The following ATP2A2 variants were observed in gnomAD, a reference collection of about 807,000 sequenced individuals.
The protein encoded by ATP2A2 is ATPase sarcoplasmic/endoplasmic reticulum Ca2+ transporting 2.
In ATP2A2, 14 loss-of-function variants were observed where a neutral mutation model predicts 109.3. That is an observed-to-expected ratio of 0.13 (90% CI 0.08 to 0.20). ATP2A2 has a LOEUF of 0.20. Among genes scored for constraint, ATP2A2 ranks in the 10% least tolerant of loss-of-function variants. The probability of loss-of-function intolerance (pLI) is 1.00; values close to 1 mark genes in which losing one functional copy is unlikely to be tolerated. For missense variants in ATP2A2, 657 were observed against 1,321.6 expected (o/e 0.50, Z 7.80); for synonymous variants, 506 against 490.9 (o/e 1.03, Z -0.41).
rs192359794 is a variant in ATP2A2, at chr12:110,331,630, C to T, written c.1096-967C>T. The T allele has an allele frequency of 7.2e-5, 11 of 152,348 alleles. No individual in the cohort carries two copies. The East Asian group carries it at 1.9e-3, about 27-fold the overall frequency. The allele number at this position is 152,348 out of a possible 1,614,324, so 9.4% of individuals were successfully genotyped here. A position where few individuals can be genotyped will look rare whatever the true frequency, so the allele number is the denominator to read the frequency against. On this transcript the variant is annotated intron_variant, in intron 8 of 19. Coordinates refer to ENST00000539276, the MANE Select transcript of ATP2A2 (RefSeq NM_170665.4). Reference sequence around the variant, plus strand: ...GGATTATAGGCGTGAGCCACCGTGCCCAGCTCAACGTGGCCTGTTTAACTT... The same window carrying T: ...GGATTATAGGCGTGAGCCACCGTGCTCAGCTCAACGTGGCCTGTTTAACTT...
At chr12:110,290,109 C>G (rs757712880) in intron 3 of ATP2A2, among the ~76,000 whole-genome samples, 1 of 152,216 alleles carries the variant, frequency 6.6e-6, no homozygotes, top group Non-Finnish European at 1.5e-5. Flanking sequence ...TGGAGGATAA[C>G]CTACAAAATA....
intron 4 of ATP2A2, 124 bp downstream of exon 4, chr12:110,292,248 C>T: frequency 1.3e-6 from 1 of 772,352 alleles, no homozygotes; most frequent in South Asian, 1.5e-5. Flanking sequence ...GGGAAGTTTA[C>T]ATGTATTTTC....
At chr12:110,293,353 C>T (rs917659383) in intron 4 of ATP2A2, among the ~76,000 whole-genome samples, 3 of 150,358 alleles carry the variant, frequency 2.0e-5, no homozygotes, top group African/African-American at 7.4e-5. Flanking sequence ...CAGGTGTGAG[C>T]CACCACTCCC....
intron 5 of ATP2A2, among the ~76,000 whole-genome samples, chr12:110,300,662 T>A (rs1158372963): frequency 4.0e-5 from 6 of 148,514 alleles, no homozygotes; most frequent in South Asian, 4.2e-4. Flanking sequence ...TTTTTTTTTT[T>A]AAAGTAAAGA....
In ATP2A2 at chr12:110,327,687, A is replaced by C; in HGVS notation, c.765A>C (p.Glu255Asp). 1 of 1,614,176 alleles carries C rather than the reference A, an allele frequency of 6.2e-7. No individual in the cohort carries two copies. Among genetic ancestry groups the C allele is most frequent in the Non-Finnish European group, 8.5e-7 (1 of 1,180,026 alleles). The change falls in exon 8 of 20, where the codon GAA (glutamate) becomes GAC (aspartate). Residue 255 changes from glutamate to aspartate, a missense_variant. Transcript: ENST00000539276. The surrounding 1 kb of genome is among the most constrained non-coding windows in gnomAD (Gnocchi z 4.4). ...CACCCCTTCAGCAAAAACTAGATGA[A>C]TTTGGGGAACAGCTTTCCAAAGTCA... is the stretch of plus-strand genomic sequence containing the variant. ...ERTPLQQKLD[E>D]FGEQLSKVIS...
rs1377611190 is a variant in ATP2A2, at chr12:110,342,845, T to C, written c.2319-387T>C. Among the ~76,000 whole-genome samples, 1 of 152,162 alleles carries C rather than the reference T, an allele frequency of 6.6e-6. No individual in the cohort carries two copies. The highest frequency in any genetic ancestry group is 2.4e-5 in the African/African-American group (1 of 41,444). ...ATCTCAGCTCACTGTCCCCTCCACC[T>C]CCTGGGTTCAAGCCTCCCGAACAGC... On this transcript the variant is annotated intron_variant, in intron 15 of 19. Coordinates refer to ENST00000539276, the MANE Select transcript of ATP2A2 (RefSeq NM_170665.4). This position sits in a 1 kb window ranked among gnomAD's most constrained non-coding sequence, Gnocchi z 4.6.
In ATP2A2 at chr12:110,296,584, TTTTC is replaced by T. The variant is rs1234681442; in HGVS notation, c.325-11_325-8del. ...CAGGCAGGTCTTTACTACTCTTCTG[TTTTC>T]TTTTATACAGGAAAGAAATGCTGAA... is the stretch of plus-strand genomic sequence containing the variant. On this transcript the variant is annotated splice_polypyrimidine_tract_variant and intron_variant, in intron 4 of 19. Coordinates refer to ENST00000539276, the MANE Select transcript of ATP2A2 (RefSeq NM_170665.4). 1.9e-6 allele frequency: 3 copies of T among 1,613,978 alleles called. No individual in the cohort carries two copies. The highest frequency in any genetic ancestry group is 4.5e-5 in the East Asian group (2 of 44,876).
intron 5 of ATP2A2, among the ~76,000 whole-genome samples, chr12:110,319,223 GAAAAA>G (rs59623372): frequency 4.7e-5 from 3 of 63,454 alleles, no homozygotes; most frequent in Non-Finnish European, 8.9e-5. Context: ...AATAAAAAAT[GAAAAA>G]AAAAAAAAAA....
chr12:110,322,077 G>A (rs1200616095), intron 5 of ATP2A2, among the ~76,000 whole-genome samples: 2 of 151,510 alleles, frequency 1.3e-5, no homozygotes, highest in South Asian at 2.1e-4. Flanking sequence ...TGCAAGCTCC[G>A]CCTCCCGGGT....
Position 110,349,804 on chromosome 12 carries a change from T to C in ATP2A2, c.*3334T>C. ...CTGCAGTTAGCAAGAAGGGTAGGCT[T>C]CACCCTCCTTTACTGAGGAGAATGA... On this transcript the variant is annotated 3_prime_UTR_variant, in exon 20 of 20. Coordinates refer to ENST00000539276, the MANE Select transcript of ATP2A2 (RefSeq NM_170665.4). 9.8e-7 allele frequency: 1 copy of C among 1,024,216 alleles called. No homozygotes were observed. The highest frequency in any genetic ancestry group is 1.2e-6 in the Non-Finnish European group (1 of 852,570). 63.4% of individuals were successfully genotyped at this position (1,024,216 alleles called of 1,614,324 possible). A position where few individuals can be genotyped will look rare whatever the true frequency, so the allele number is the denominator to read the frequency against.
intron 5 of ATP2A2, among the ~76,000 whole-genome samples, chr12:110,316,394 A>G (rs78813260): frequency 9.3e-4 from 142 of 152,352 alleles, no homozygotes; most frequent in African/African-American, 3.3e-3. Context: ...AATTTAAGCA[A>G]CTACCATTAT....
rs1879525229 is a variant in ATP2A2 at position 110,343,229 on chromosome 12, C to T, written c.2319-3C>T. The T allele has an allele frequency of 1.2e-6, 2 of 1,613,598 alleles. No individual in the cohort carries two copies. Among genetic ancestry groups the T allele is most frequent in the African/African-American group, 1.3e-5 (1 of 74,896 alleles). ...TTTGTCTTCTTTTCTTGATTGGAAA[C>T]AGTATTTTCCTGACAGCAGCCCTTG... On this transcript the variant is annotated splice_polypyrimidine_tract_variant and splice_region_variant and intron_variant, in intron 15 of 19. Coordinates refer to ENST00000539276, the MANE Select transcript of ATP2A2 (RefSeq NM_170665.4).
chr12:110,317,420 GTTTT>G (rs147920837), intron 5 of ATP2A2, among the ~76,000 whole-genome samples: 1 of 151,714 alleles, frequency 6.6e-6, no homozygotes, highest in Non-Finnish European at 1.5e-5. Context: ...GTTTGTTTGG[GTTTT>G]TTTTGAGATG....
chr12:110,298,465 A>G (rs1874202884), intron 5 of ATP2A2, among the ~76,000 whole-genome samples: 2 of 152,194 alleles, frequency 1.3e-5, no homozygotes, highest in Non-Finnish European at 1.5e-5. Flanking sequence ...CATGCCTGTA[A>G]TCCCAGCACT....
In ATP2A2 at chr12:110,340,650, T is replaced by C; in HGVS notation, c.1762-9T>C. 1 of 1,614,158 alleles carries C rather than the reference T, an allele frequency of 6.2e-7. No homozygotes were observed. The highest frequency in any genetic ancestry group is 8.5e-7 in the Non-Finnish European group (1 of 1,180,002). On this transcript the variant is annotated splice_polypyrimidine_tract_variant and intron_variant, in intron 13 of 19. Coordinates refer to ENST00000539276, the MANE Select transcript of ATP2A2 (RefSeq NM_170665.4). The surrounding 1 kb of genome is among the most constrained non-coding windows in gnomAD (Gnocchi z 6.0). ...GCCACTTTTATTTAAAGTGATGCTC[T>C]TATTTTAGACCAATCTGACCTTCGT...
chr12:110,326,524 T>A (rs1409605015), intron 7 of ATP2A2, 49 bp downstream of exon 7: 1 of 1,495,872 alleles, frequency 6.7e-7, no homozygotes, highest in East Asian at 2.3e-5. Flanking sequence ...TTCCAAAGCC[T>A]AATCAAATGT....
chr12:110,303,307 C>A (rs1452705463), intron 5 of ATP2A2, among the ~76,000 whole-genome samples: 1 of 151,686 alleles, frequency 6.6e-6, no homozygotes, highest in East Asian at 1.9e-4. Context: ...CTCACTGCAA[C>A]CTGTGTACCT....
At chr12:110,303,134 T>G (rs894653420) in intron 5 of ATP2A2, among the ~76,000 whole-genome samples, 1 of 152,232 alleles carries the variant, frequency 6.6e-6, no homozygotes, top group Non-Finnish European at 1.5e-5. Flanking sequence ...GAATGAAATT[T>G]GAAATCAGAA....
At chr12:110,323,416 C>T (rs1476064460) in intron 6 of ATP2A2, among the ~76,000 whole-genome samples, 1 of 152,144 alleles carries the variant, frequency 6.6e-6, no homozygotes, top group Admixed American at 6.5e-5. Context: ...AACTCCTGAC[C>T]TCAGGTAATC....
Sources: gnomAD v4.1 joint callset for allele counts (sites outside exome capture counted in the v4.1 genomes callset) on GRCh38, gnomAD v4.1.1 for gene constraint, Gnocchi (gnomAD v3.1) non-coding constraint, MANE v1.5 for transcripts, NCBI Gene and HGNC (gene_info 2026-07-23, HGNC 2026-07-21) for gene names.